FBXO48: variants seen among roughly 807,000 people sequenced by gnomAD.
FBXO48 encodes F-box only protein 48.
FBXO48 carries 12 observed loss-of-function variants against 14.3 expected under a neutral mutation model. That is an observed-to-expected ratio of 0.84 (90% CI 0.54 to 1.36). The LOEUF (loss-of-function observed/expected upper bound fraction) is 1.36, where lower values mean the gene tolerates loss of function less well. Among genes scored for constraint, FBXO48 ranks in the 40% most tolerant of loss-of-function variants. FBXO48 has a pLI of 0.00. For synonymous variants in FBXO48, 53 were observed against 61.7 expected, an observed-to-expected ratio of 0.86 and a Z score of 0.66; for missense variants, 177 against 179.1, an observed-to-expected ratio of 0.99 and a Z score of 0.07.
chr2:68,464,824 C>T lies in FBXO48; in HGVS notation c.306+16G>A. On this transcript the variant is annotated intron_variant, in intron 3 of 3. Coordinates refer to ENST00000377957, the MANE Select transcript of FBXO48 (RefSeq NM_001024680.3). ...ACGCTGTCAACAACACTGCAGATCG[C>T]AAAGATTAAACTTACCCTCCAGGAA... 1 of 1,591,968 alleles carries T rather than the reference C, an allele frequency of 6.3e-7. No homozygotes were observed. Among genetic ancestry groups the T allele is most frequent in the East Asian group, 2.2e-5 (1 of 44,636 alleles).
chr2:68,464,640 A>C (rs925330670), intron 3 of FBXO48, among the ~76,000 whole-genome samples, 200 bp downstream of exon 3: 1 of 152,174 alleles, frequency 6.6e-6, no homozygotes, highest in African/African-American at 2.4e-5. Context: ...AAAATGCAAA[A>C]GGATAAATGA....
In FBXO48 at chr2:68,462,245, T is replaced by C. The variant is rs1257895558; in HGVS notation, c.*1964A>G. 1.3e-5 allele frequency: 2 copies of C among 152,234 alleles called. No individual in the cohort carries two copies. Among genetic ancestry groups the C allele is most frequent in the Non-Finnish European group, 2.9e-5 (2 of 68,048 alleles). The allele number at this position is 152,234 out of a possible 1,614,324, so 9.4% of individuals were successfully genotyped here. On this transcript the variant is annotated 3_prime_UTR_variant, in exon 4 of 4. Transcript: ENST00000377957. The stretch of plus-strand genomic sequence containing the variant: ...TAAAAATATATGTGTACATTTACTA[T>C]TGTACACAGATGCTATTCAGCAAAA...
intron 3 of FBXO48, 58 bp downstream of exon 3, chr2:68,464,782 G>T: frequency 1.5e-6 from 2 of 1,317,968 alleles, no homozygotes; most frequent in Non-Finnish European, 2.1e-6. Context: ...TAGAATTGGC[G>T]CAAACCTGCT....
Position 68,463,891 on chromosome 2 carries a change from C to T in FBXO48, c.*318G>A. 5.2e-6 allele frequency: 1 copy of T among 193,934 alleles called. No homozygotes were observed. 12.0% of individuals were successfully genotyped at this position (193,934 alleles called of 1,614,324 possible). ...AATTTTGAATTATCATTAAGCTGAA[C>T]ATACAAATCACTCTTACATTTAGTA... On this transcript the variant is annotated 3_prime_UTR_variant, in exon 4 of 4. Transcript: ENST00000377957.
At chr2:68,465,687 C>T (rs72835030) in intron 2 of FBXO48, among the ~76,000 whole-genome samples, 16 of 152,222 alleles carry the variant, frequency 1.1e-4, no homozygotes, top group Admixed American at 3.3e-4. Context: ...CCACCATACC[C>T]GGTACTTTTG....
Position 68,461,446 on chromosome 2 carries a change from G to A in FBXO48, c.*2763C>T, listed in dbSNP as rs1437840103. 1 of 149,776 alleles carries A rather than the reference G, an allele frequency of 6.7e-6. No individual in the cohort carries two copies. Among genetic ancestry groups the A allele is most frequent in the African/African-American group, 2.5e-5 (1 of 40,206 alleles). 9.3% of individuals were successfully genotyped at this position (149,776 alleles called of 1,614,324 possible). A position where few individuals can be genotyped will look rare whatever the true frequency, so the allele number is the denominator to read the frequency against. On this transcript the variant is annotated 3_prime_UTR_variant, in exon 4 of 4. Coordinates refer to ENST00000377957, the MANE Select transcript of FBXO48 (RefSeq NM_001024680.3). ...CGAGTAGCTGGGACTACAGGCGCCC[G>A]CCACCGCGCCCGGCTAATTTTTTGT...
rs745364612 is a variant in FBXO48 at position 68,459,611 on chromosome 2, A to G, written c.*4598T>C. ...TGATACAATCTTCTTCACTAACAAT[A>G]TAGTAAATTATTTTTATACATTCTG... On this transcript the variant is annotated 3_prime_UTR_variant, in exon 4 of 4. Transcript: ENST00000377957. The G allele has an allele frequency of 2.0e-5, 3 of 152,210 alleles. No individual in the cohort carries two copies. Among genetic ancestry groups the G allele is most frequent in the African/African-American group, 4.8e-5 (2 of 41,454 alleles). 9.4% of individuals were successfully genotyped at this position (152,210 alleles called of 1,614,324 possible). A position where few individuals can be genotyped will look rare whatever the true frequency, so the allele number is the denominator to read the frequency against.
Position 68,464,016 on chromosome 2 carries a change from A to G in FBXO48, c.*193T>C, listed in dbSNP as rs1279925746. The G allele has an allele frequency of 5.9e-6, 3 of 511,112 alleles. No homozygotes were observed. Among genetic ancestry groups the G allele is most frequent in the Non-Finnish European group, 1.0e-5 (3 of 287,904 alleles). 31.7% of individuals were successfully genotyped at this position (511,112 alleles called of 1,614,324 possible). On this transcript the variant is annotated 3_prime_UTR_variant, in exon 4 of 4. Coordinates refer to ENST00000377957, the MANE Select transcript of FBXO48 (RefSeq NM_001024680.3). ...AAATAACATTTCATGATTTTTCCACATTACAATAAAACCAGAAAAATTTTA... is the reference window on the plus strand; with the variant it reads ...AAATAACATTTCATGATTTTTCCACGTTACAATAAAACCAGAAAAATTTTA...
chr2:68,465,736 C>G (rs1675391605), intron 2 of FBXO48, among the ~76,000 whole-genome samples: 2 of 152,044 alleles, frequency 1.3e-5, no homozygotes, highest in South Asian at 4.1e-4. Flanking sequence ...CTATTAAACT[C>G]CTGAATACTT....
rs1491422996 is a variant in FBXO48 at position 68,461,288 on chromosome 2, T to TTTTTC, written c.*2920_*2921insGAAAA. The TTTTTC allele has an allele frequency of 5.7e-3, 623 of 109,748 alleles. 6 individuals carry two copies. The highest frequency in any genetic ancestry group is 0.031 in the African/African-American group (595 of 19,246). 6.8% of individuals were successfully genotyped at this position (109,748 alleles called of 1,614,324 possible). A position where few individuals can be genotyped will look rare whatever the true frequency, so the allele number is the denominator to read the frequency against. The stretch of plus-strand genomic sequence containing the variant: ...TTACTTAAGATCCGTTTTCGTTTTC[T>TTTTTC]TTTTTTTTTTTTTTTTTTTGAGACG... On this transcript the variant is annotated 3_prime_UTR_variant, in exon 4 of 4. Coordinates refer to ENST00000377957, the MANE Select transcript of FBXO48 (RefSeq NM_001024680.3).
rs1675254902 is a variant in FBXO48 at position 68,461,282 on chromosome 2, G to GCTT, written c.*2926_*2927insAAG. The stretch of plus-strand genomic sequence containing the variant: ...ATTCTCTTACTTAAGATCCGTTTTC[G>GCTT]TTTTCTTTTTTTTTTTTTTTTTTTT... On this transcript the variant is annotated 3_prime_UTR_variant, in exon 4 of 4. Coordinates refer to ENST00000377957, the MANE Select transcript of FBXO48 (RefSeq NM_001024680.3). 2 of 128,342 alleles carry GCTT rather than the reference G, an allele frequency of 1.6e-5. No individual in the cohort carries two copies. The highest frequency in any genetic ancestry group is 7.5e-5 in the African/African-American group (2 of 26,542). 8.0% of individuals were successfully genotyped at this position (128,342 alleles called of 1,614,324 possible).
In FBXO48 at chr2:68,460,195, C is replaced by T. The variant is rs1014284178; in HGVS notation, c.*4014G>A. Reference sequence around the variant, plus strand: ...GTGACGTGCTAAATTTGGGGTTTAACAAAGACTACACTGCTAACAGTAAAA... The same window carrying T: ...GTGACGTGCTAAATTTGGGGTTTAATAAAGACTACACTGCTAACAGTAAAA... On this transcript the variant is annotated 3_prime_UTR_variant, in exon 4 of 4. Coordinates refer to ENST00000377957, the MANE Select transcript of FBXO48 (RefSeq NM_001024680.3). The T allele has an allele frequency of 6.6e-6, 1 of 152,000 alleles. No individual in the cohort carries two copies. Among genetic ancestry groups the T allele is most frequent in the Admixed American group, 6.6e-5 (1 of 15,248 alleles). 9.4% of individuals were successfully genotyped at this position (152,000 alleles called of 1,614,324 possible).
Position 68,464,792 on chromosome 2 carries a change from T to C in FBXO48, c.306+48A>G, listed in dbSNP as rs1229708425. 2.8e-6 allele frequency: 4 copies of C among 1,409,812 alleles called. No homozygotes were observed. In the East Asian group the frequency reaches 6.9e-5, roughly 24 times the overall value. The allele number at this position is 1,409,812 out of a possible 1,614,324, so 87.3% of individuals were successfully genotyped here. ...GAAGTTAGAATTGGCGCAAACCTGCTATCATAACGCTGTCAACAACACTGC... is the reference window on the plus strand; with the variant it reads ...GAAGTTAGAATTGGCGCAAACCTGCCATCATAACGCTGTCAACAACACTGC... On this transcript the variant is annotated intron_variant, in intron 3 of 3. Coordinates refer to ENST00000377957, the MANE Select transcript of FBXO48 (RefSeq NM_001024680.3).
Position 68,464,020 on chromosome 2 carries a change from C to T in FBXO48, c.*189G>A. On this transcript the variant is annotated 3_prime_UTR_variant, in exon 4 of 4. Coordinates refer to ENST00000377957, the MANE Select transcript of FBXO48 (RefSeq NM_001024680.3). ...AACATTTCATGATTTTTCCACATTA[C>T]AATAAAACCAGAAAAATTTTACTAA... 1 of 517,258 alleles carries T rather than the reference C, an allele frequency of 1.9e-6. No individual in the cohort carries two copies. Among genetic ancestry groups the T allele is most frequent in the South Asian group, 2.9e-5 (1 of 34,428 alleles). 32.0% of individuals were successfully genotyped at this position (517,258 alleles called of 1,614,324 possible).
chr2:68,464,509 G>A lies in FBXO48; in HGVS notation c.307-139C>T, dbSNP rs796847816. On this transcript the variant is annotated intron_variant, in intron 3 of 3. Coordinates refer to ENST00000377957, the MANE Select transcript of FBXO48 (RefSeq NM_001024680.3). ...TATATACGTACATTAATAAATGTAT[G>A]TGTCTGTGTACGTGTGTGTATGTAT... 17 of 722,142 alleles carry A rather than the reference G, an allele frequency of 2.4e-5. No individual in the cohort carries two copies. The East Asian group carries it at 2.4e-4, about 10-fold the overall frequency. The allele number at this position is 722,142 out of a possible 1,614,324, so 44.7% of individuals were successfully genotyped here. A position where few individuals can be genotyped will look rare whatever the true frequency, so the allele number is the denominator to read the frequency against.
rs1675266356 is a variant in FBXO48 at position 68,461,664 on chromosome 2, A to G, written c.*2545T>C. On this transcript the variant is annotated 3_prime_UTR_variant, in exon 4 of 4. Transcript: ENST00000377957. Reference sequence around the variant, plus strand: ...AAGAGGAAAGGGCTTCTTTCTTCCAACTTATGAAAAGGGGGGATTGGGTCA... The same window carrying G: ...AAGAGGAAAGGGCTTCTTTCTTCCAGCTTATGAAAAGGGGGGATTGGGTCA... 6.6e-6 allele frequency: 1 copy of G among 151,826 alleles called. No homozygotes were observed. The highest frequency in any genetic ancestry group is 1.5e-5 in the Non-Finnish European group (1 of 67,954). 9.4% of individuals were successfully genotyped at this position (151,826 alleles called of 1,614,324 possible).
In FBXO48 at chr2:68,463,949, T is replaced by C. The variant is rs1403445256; in HGVS notation, c.*260A>G. On this transcript the variant is annotated 3_prime_UTR_variant, in exon 4 of 4. Coordinates refer to ENST00000377957, the MANE Select transcript of FBXO48 (RefSeq NM_001024680.3). The stretch of plus-strand genomic sequence containing the variant: ...TATATTAACACAAATACATGAAACA[T>C]TGTATTTGGAAATCACTCTATCAGT... 2.3e-5 allele frequency: 7 copies of C among 310,894 alleles called. No individual in the cohort carries two copies. Among genetic ancestry groups the C allele is most frequent in the Non-Finnish European group, 3.6e-5 (6 of 164,884 alleles). 19.3% of individuals were successfully genotyped at this position (310,894 alleles called of 1,614,324 possible). A position where few individuals can be genotyped will look rare whatever the true frequency, so the allele number is the denominator to read the frequency against.
In FBXO48 at chr2:68,463,222, T is replaced by C. The variant is rs931812492; in HGVS notation, c.*987A>G. 6.6e-5 allele frequency: 10 copies of C among 152,188 alleles called. No individual in the cohort carries two copies. The East Asian group carries it at 1.5e-3, about 23-fold the overall frequency. The allele number at this position is 152,188 out of a possible 1,614,324, so 9.4% of individuals were successfully genotyped here. A position where few individuals can be genotyped will look rare whatever the true frequency, so the allele number is the denominator to read the frequency against. ...AAACCCCACACTAACTAAAGCAGTT[T>C]GTAGACACTTTTTTACTATGGTGGT... On this transcript the variant is annotated 3_prime_UTR_variant, in exon 4 of 4. Coordinates refer to ENST00000377957, the MANE Select transcript of FBXO48 (RefSeq NM_001024680.3).
chr2:68,464,495 A>T, intron 3 of FBXO48, 125 bp from the exon 4 acceptor site: 5 of 765,788 alleles, frequency 6.5e-6, no homozygotes, highest in Non-Finnish European at 1.1e-5. Flanking sequence ...ATATACGTAC[A>T]TTAATAAATG....
Sources: gnomAD v4.1 joint callset for allele counts (sites outside exome capture counted in the v4.1 genomes callset) on GRCh38, gnomAD v4.1.1 for gene constraint, MANE v1.5 for transcripts, NCBI Gene and HGNC (gene_info 2026-07-23, HGNC 2026-07-21) for gene names.